NPLOC4: variants seen among roughly 807,000 people sequenced by gnomAD.
The protein encoded by NPLOC4 is NPL4 homolog, ubiquitin recognition factor.
In NPLOC4, 18 loss-of-function variants were observed where a neutral mutation model predicts 80.6. That is an observed-to-expected ratio of 0.22 (90% confidence interval 0.15 to 0.33). The LOEUF (loss-of-function observed/expected upper bound fraction) is 0.33, where lower values mean the gene tolerates loss of function less well. NPLOC4 is among the 10% of genes least tolerant of loss of function. NPLOC4 has a pLI of 1.00. For missense variants in NPLOC4, 540 were observed against 786.1 expected (o/e 0.69, Z 3.74); for synonymous variants, 313 against 301.5 (o/e 1.04, Z -0.39).
At chr17:81,587,751 C>T (rs1325679797) in intron 12 of NPLOC4, among the ~76,000 whole-genome samples, 1 of 140,750 alleles carries the variant, frequency 7.1e-6, no homozygotes, top group Non-Finnish European at 1.5e-5. Flanking sequence ...TTAATGCAAG[C>T]TCCGCCTCCC....
chr17:81,633,656 G>A (rs1047069918), intron 1 of NPLOC4, among the ~76,000 whole-genome samples: 5 of 152,132 alleles, frequency 3.3e-5, no homozygotes, highest in African/African-American at 9.7e-5. Flanking sequence ...AGACTAGAAC[G>A]CTTCTTGGGG....
rs1032655607 is a variant in NPLOC4 at position 81,580,439 on chromosome 17, G to C, written c.1282-8351C>G. ...GTGATCGTCTCACAGCCCCGGCACA[G>C]CCATCTCCCTTCAGCACCTTTCAGA... On this transcript the variant is annotated intron_variant, in intron 12 of 16. Coordinates refer to ENST00000331134, the MANE Select transcript of NPLOC4 (RefSeq NM_017921.4). This position sits in a 1 kb window ranked among gnomAD's most constrained non-coding sequence, Gnocchi z 4.4. Among the ~76,000 whole-genome samples the C allele has an allele frequency of 6.6e-6, 1 of 152,120 alleles. No homozygotes were observed. The highest frequency in any genetic ancestry group is 2.1e-4 in the South Asian group (1 of 4,828).
intron 7 of NPLOC4, among the ~76,000 whole-genome samples, chr17:81,605,852 C>T (rs367957170): frequency 6.7e-6 from 1 of 148,628 alleles, no homozygotes; most frequent in South Asian, 2.1e-4. Flanking sequence ...GACGGAGTCT[C>T]GCTCTGTCAC....
chr17:81,600,340 C>T lies in NPLOC4; in HGVS notation c.921+1G>A. The T allele has an allele frequency of 6.2e-7, 1 of 1,608,894 alleles. No individual in the cohort carries two copies. The highest frequency in any genetic ancestry group is 8.5e-7 in the Non-Finnish European group (1 of 1,177,696). ...TGCTTGGCTGCCGGATGCCTCAGTA[C>T]CTTCCGCAGGCCAAGTTTGGCAGCA... On this transcript the variant is annotated splice_donor_variant, in intron 9 of 16. Coordinates refer to ENST00000331134, the MANE Select transcript of NPLOC4 (RefSeq NM_017921.4). LOFTEE classifies it high-confidence loss of function.
rs1035978991 is a variant in NPLOC4 at position 81,623,755 on chromosome 17, G to A, written c.97-1477C>T. 1.1e-4 allele frequency among the ~76,000 whole-genome samples: 17 copies of A among 151,002 alleles called. 1 individual carries two copies. The South Asian group carries it at 2.5e-3, about 22-fold the overall frequency. ...GGAGCTTGCAGTGAGCCGAGATCGC[G>A]CCACTGCACTCCAGCCAGGACGACA... On this transcript the variant is annotated intron_variant, in intron 2 of 16. Coordinates refer to ENST00000331134, the MANE Select transcript of NPLOC4 (RefSeq NM_017921.4).
intron 3 of NPLOC4, among the ~76,000 whole-genome samples, chr17:81,615,217 A>G (rs1375076512): frequency 3.3e-5 from 5 of 149,894 alleles, no homozygotes; most frequent in Non-Finnish European, 5.9e-5. Context: ...CTCCTGCCTC[A>G]GCCTCCCAAG....
At chr17:81,610,164 G>A (rs778968409) in intron 5 of NPLOC4, 46 bp downstream of exon 5, 21 of 1,529,676 alleles carry the variant, frequency 1.4e-5, no homozygotes, top group Admixed American at 5.9e-5. Context: ...CTGTCTACCC[G>A]CAGCCCCCCA....
chr17:81,559,895 G>A (rs1012402903), intron 16 of NPLOC4, among the ~76,000 whole-genome samples: 1 of 151,698 alleles, frequency 6.6e-6, no homozygotes, highest in Non-Finnish European at 1.5e-5. Flanking sequence ...ACAATGCCTG[G>A]CTAATTTTAT....
At chr17:81,618,278 T>C (rs2035559595) in intron 3 of NPLOC4, among the ~76,000 whole-genome samples, 1 of 146,910 alleles carries the variant, frequency 6.8e-6, no homozygotes, top group Non-Finnish European at 1.5e-5. Context: ...CCGCCCATCG[T>C]CTGAGATGTG....
intron 12 of NPLOC4, among the ~76,000 whole-genome samples, chr17:81,583,128 T>A (rs1179458982): frequency 6.6e-6 from 1 of 152,240 alleles, no homozygotes; most frequent in African/African-American, 2.4e-5. Flanking sequence ...TCAAGAGAGA[T>A]GTTAGTGTGA....
chr17:81,620,825 G>A (rs1470562787), intron 3 of NPLOC4, among the ~76,000 whole-genome samples: 1 of 152,038 alleles, frequency 6.6e-6, no homozygotes, highest in Non-Finnish European at 1.5e-5. Context: ...TTAGATAATG[G>A]TTACGTGTTC....
intron 11 of NPLOC4, among the ~76,000 whole-genome samples, chr17:81,593,268 G>A (rs981163731): frequency 5.9e-5 from 9 of 151,976 alleles, no homozygotes; most frequent in Non-Finnish European, 5.9e-5. Context: ...GCTTGGAACT[G>A]GGTGGGGAGC....
chr17:81,571,243 C>T (rs1025392169), intron 13 of NPLOC4, among the ~76,000 whole-genome samples: 6 of 152,168 alleles, frequency 3.9e-5, no homozygotes, highest in Non-Finnish European at 7.3e-5. Context: ...TAGATCCTGG[C>T]GTGGCAGCAG....
Position 81,636,963 on chromosome 17 carries a change from G to C in NPLOC4, c.-33C>G. 1 of 1,265,910 alleles carries C rather than the reference G, an allele frequency of 7.9e-7. No homozygotes were observed. Among genetic ancestry groups the C allele is most frequent in the Non-Finnish European group, 1.0e-6 (1 of 1,004,146 alleles). The allele number at this position is 1,265,910 out of a possible 1,614,324, so 78.4% of individuals were successfully genotyped here. A position where few individuals can be genotyped will look rare whatever the true frequency, so the allele number is the denominator to read the frequency against. On this transcript the variant is annotated 5_prime_UTR_variant, in exon 1 of 17. Coordinates refer to ENST00000331134, the MANE Select transcript of NPLOC4 (RefSeq NM_017921.4). ...GCTCCTGCCTCCGGGCTCGAGCCCC[G>C]GGCCGCCGCCGCCTGCCGCCCCAAG...
intron 3 of NPLOC4, among the ~76,000 whole-genome samples, chr17:81,618,821 G>C (rs2035583495): frequency 1.3e-5 from 2 of 152,192 alleles, no homozygotes; most frequent in Admixed American, 6.5e-5. Flanking sequence ...TGTGTAGAAG[G>C]AAGTAGACAT....
intron 3 of NPLOC4, among the ~76,000 whole-genome samples, chr17:81,613,938 T>G (rs183181924): frequency 1.1e-3 from 161 of 152,116 alleles, no homozygotes; most frequent in African/African-American, 3.7e-3. Context: ...GGCGTTCACA[T>G]ACACACGTAA....
chr17:81,606,915 C>T (rs1027415404), intron 6 of NPLOC4, 101 bp from the exon 7 acceptor site: 1 of 1,122,230 alleles, frequency 8.9e-7, no homozygotes, highest in East Asian at 2.6e-5. Context: ...AACAGTGTCT[C>T]AGGAGCTAAG....
chr17:81,609,396 C>T (rs1349358849), intron 5 of NPLOC4, among the ~76,000 whole-genome samples: 6 of 152,152 alleles, frequency 3.9e-5, no homozygotes, highest in Non-Finnish European at 5.9e-5. Context: ...CTCACTGCAG[C>T]CTCGACCTCA....
chr17:81,600,472 C>G (rs1025591345), intron 8 of NPLOC4, 45 bp from the exon 9 acceptor site: 11 of 1,465,972 alleles, frequency 7.5e-6, no homozygotes, highest in Non-Finnish European at 1.0e-5. Flanking sequence ...GCAGAGGGCT[C>G]AGGAAGCAGC....
Sources: allele counts gnomAD v4.1 joint callset (sites outside exome capture counted in the v4.1 genomes callset), GRCh38; gene constraint gnomAD v4.1.1; non-coding constraint Gnocchi (gnomAD v3.1); transcripts MANE v1.5; gene names NCBI Gene and HGNC (gene_info 2026-07-23, HGNC 2026-07-21).